Variants in MMP26 observed in about 807,000 individuals in gnomAD.
MMP26 encodes the protein matrix metalloproteinase-26.
Under a neutral mutation model 31.0 loss-of-function variants are expected in MMP26, and 33 were observed. That is an observed-to-expected ratio of 1.06 (90% CI 0.81 to 1.42). The LOEUF (loss-of-function observed/expected upper bound fraction) is 1.42. Among genes scored for constraint, MMP26 ranks in the 40% most tolerant of loss-of-function variants. The pLI is 0.00. For synonymous variants in MMP26, 122 were observed against 114.9 expected (o/e 1.06, Z -0.40); for missense variants, 347 against 316.1 (o/e 1.10, Z -0.74).
intron 2 of MMP26, among the ~76,000 whole-genome samples, chr11:4,863,269 CT>C (rs1197685761): frequency 6.6e-6 from 1 of 151,800 alleles, no homozygotes; most frequent in Non-Finnish European, 1.5e-5. Context: ...CTTCATCTTC[CT>C]TCTTTTAATC....
intron 2 of MMP26, among the ~76,000 whole-genome samples, chr11:4,799,228 T>C (rs1849148899): frequency 6.6e-6 from 1 of 152,178 alleles, no homozygotes; most frequent in Admixed American, 6.5e-5. Context: ...ACAGACTTAA[T>C]TGGCTCAGGC....
chr11:4,772,805 T>G (rs1848743595), intron 2 of MMP26, among the ~76,000 whole-genome samples: 1 of 152,214 alleles, frequency 6.6e-6, no homozygotes, highest in Non-Finnish European at 1.5e-5. Flanking sequence ...GCTGCACATT[T>G]GTGGAGACAG....
At chr11:4,943,561 A>G (rs1325667213) in intron 2 of MMP26, 1 of 444,492 alleles carries the variant, frequency 2.2e-6, no homozygotes, top group South Asian at 1.6e-5. Flanking sequence ...TGTACATTAA[A>G]GAATGGTTAG....
At chr11:4,795,795 A>T (rs976296761) in intron 2 of MMP26, among the ~76,000 whole-genome samples, 4 of 151,904 alleles carry the variant, frequency 2.6e-5, no homozygotes, top group African/African-American at 9.7e-5. Context: ...AATCAAGAAG[A>T]TGGTGGGAGA....
chr11:4,928,457 G>A (rs1851303270), intron 2 of MMP26, among the ~76,000 whole-genome samples: 1 of 152,090 alleles, frequency 6.6e-6, no homozygotes, highest in Non-Finnish European at 1.5e-5. Context: ...TCTGTATCAG[G>A]TATTCTTCCA....
chr11:4,755,546 A>C (rs938975319), intron 1 of MMP26, among the ~76,000 whole-genome samples: 12 of 152,020 alleles, frequency 7.9e-5, no homozygotes, highest in African/African-American at 2.9e-4. Context: ...ATAATGGTAT[A>C]GGGGTGGCAC....
rs376216232 is a variant in MMP26, at chr11:4,990,672, G to T, written c.395G>T (p.Ser132Ile). ...DSIYNAVSIW[S>I]NVTPLIFQQV... Reference sequence around the variant, plus strand: ...ATATATAATGCAGTTTCCATCTGGAGCAATGTGACCCCTTTGATATTCCAG... The same window carrying T: ...ATATATAATGCAGTTTCCATCTGGATCAATGTGACCCCTTTGATATTCCAG... The change falls in exon 5 of 8, where the codon AGC (serine) becomes ATC (isoleucine). Residue 132 changes from serine to isoleucine, a missense_variant. Ser to Ile is a moderately radical substitution (Grantham distance 142). Coordinates refer to ENST00000380390, the MANE Select transcript of MMP26 (RefSeq NM_021801.5). 19 of 1,614,006 alleles carry T rather than the reference G, an allele frequency of 1.2e-5. No individual in the cohort carries two copies. Among genetic ancestry groups the T allele is most frequent in the Non-Finnish European group, 1.6e-5 (19 of 1,180,004 alleles).
intron 1 of MMP26, among the ~76,000 whole-genome samples, chr11:4,714,261 T>A (rs1385221539): frequency 6.6e-6 from 1 of 152,210 alleles, no homozygotes; most frequent in Non-Finnish European, 1.5e-5. Flanking sequence ...GAAATCTATT[T>A]TCTGAAATCT....
intron 2 of MMP26, among the ~76,000 whole-genome samples, chr11:4,777,691 G>A (rs1378462253): frequency 6.6e-6 from 1 of 152,038 alleles, no homozygotes; most frequent in East Asian, 1.9e-4. Context: ...CCTGTTTTTG[G>A]ATGTTATCTG....
At chr11:4,826,649 CTCT>C (rs960211952) in intron 2 of MMP26, among the ~76,000 whole-genome samples, 4 of 152,150 alleles carry the variant, frequency 2.6e-5, no homozygotes, top group South Asian at 2.1e-4. Flanking sequence ...AGAGAAAAAC[CTCT>C]TCTTCTCCTT....
intron 2 of MMP26, chr11:4,882,693 G>A (rs768466143): frequency 6.8e-6 from 11 of 1,613,856 alleles, no homozygotes; most frequent in East Asian, 2.2e-5. Context: ...TTGGCACACC[G>A]CCTCTTCCAC....
At chr11:4,899,852 T>C (rs189366674) in intron 2 of MMP26, among the ~76,000 whole-genome samples, 7 of 152,162 alleles carry the variant, frequency 4.6e-5, no homozygotes, top group Non-Finnish European at 1.0e-4. Context: ...ACTCTGAAAA[T>C]GAGGACCTTT....
At chr11:4,894,092 T>C (rs1352421361) in intron 2 of MMP26, among the ~76,000 whole-genome samples, 2 of 152,210 alleles carry the variant, frequency 1.3e-5, no homozygotes, top group Non-Finnish European at 2.9e-5. Flanking sequence ...TTAAGTGCTT[T>C]ATTTTACCCC....
chr11:4,718,834 C>A (rs1258387648), intron 1 of MMP26: 1 of 159,866 alleles, frequency 6.3e-6, no homozygotes, highest in Admixed American at 6.5e-5. Flanking sequence ...TGACCTCGGC[C>A]TGTCCATATC....
chr11:4,796,758 A>G (rs1033522230), intron 2 of MMP26, among the ~76,000 whole-genome samples: 8 of 152,120 alleles, frequency 5.3e-5, no homozygotes, highest in African/African-American at 1.9e-4. Flanking sequence ...CTCCTGGGAG[A>G]TGCCAGGTCT....
At chr11:4,941,128 T>C (rs76530376) in intron 2 of MMP26, among the ~76,000 whole-genome samples, 1,635 of 152,292 alleles carry the variant, frequency 0.011, 26 homozygotes, top group African/African-American at 0.034. Context: ...TTTCACTCTA[T>C]CACTTGCCTC....
intron 2 of MMP26, among the ~76,000 whole-genome samples, chr11:4,942,089 C>CAAAAAAACAAAACAAAAAAA (rs769948564): frequency 2.7e-5 from 1 of 37,122 alleles, no homozygotes; most frequent in African/African-American, 1.1e-4. Flanking sequence ...GAGTCCATCT[C>CAAAAAAACAAAACAAAAAAA]AAAAAAAAAA....
chr11:4,868,323 C>T (rs541467819), intron 2 of MMP26, among the ~76,000 whole-genome samples: 6 of 152,200 alleles, frequency 3.9e-5, no homozygotes, highest in African/African-American at 1.2e-4. Flanking sequence ...AAAACCCCAT[C>T]GTCTCAGCTC....
At chr11:4,805,154 G>A (rs890779465) in intron 2 of MMP26, among the ~76,000 whole-genome samples, 8 of 152,264 alleles carry the variant, frequency 5.3e-5, no homozygotes, top group Admixed American at 5.2e-4. Flanking sequence ...CAATTTCTCA[G>A]AGTAGGAAGT....
Sources: allele counts gnomAD v4.1 joint callset (sites outside exome capture counted in the v4.1 genomes callset), GRCh38; gene constraint gnomAD v4.1.1; transcripts MANE v1.5; gene names NCBI Gene and HGNC (gene_info 2026-07-23, HGNC 2026-07-21).